Variants in ATP10A observed in about 807,000 individuals in gnomAD.
ATP10A encodes phospholipid-transporting ATPase VA.
A neutral mutation model predicts 147.8 loss-of-function variants in ATP10A; 111 were observed. The ratio of observed to expected loss-of-function variants is 0.75; its 90% CI spans 0.64 to 0.88. The LOEUF (loss-of-function observed/expected upper bound fraction) is 0.88, where lower values mean the gene tolerates loss of function less well. Among genes scored for constraint, ATP10A ranks in the 40% least tolerant of loss-of-function variants. The probability of loss-of-function intolerance (pLI) is 0.00; values close to 1 mark genes in which losing one functional copy is unlikely to be tolerated. For synonymous variants in ATP10A, 875 were observed against 841.6 expected, an observed-to-expected ratio of 1.04 and a Z score of -0.69; for missense variants, 1,927 against 1,959.0, an observed-to-expected ratio of 0.98 and a Z score of 0.31.
chr15:25,719,732 G>A (rs1026143648), intron 7 of ATP10A, among the ~76,000 whole-genome samples: 19 of 152,104 alleles, frequency 1.2e-4, no homozygotes, highest in African/African-American at 3.6e-4. Flanking sequence ...CAGGAAAGAT[G>A]AGGCCCAGGA....
chr15:25,857,458 A>T (rs1012619163), intron 1 of ATP10A, among the ~76,000 whole-genome samples: 1 of 151,712 alleles, frequency 6.6e-6, no homozygotes, highest in Non-Finnish European at 1.5e-5. Flanking sequence ...AAAAATAATA[A>T]TTTTTTTTAG....
At position 25,680,225 on chromosome 15, in the gene ATP10A, C is replaced by T. The variant is rs759098238; in HGVS notation, c.3762G>A (p.Thr1254=). 2.7e-5 allele frequency: 43 copies of T among 1,613,954 alleles called. No individual in the cohort carries two copies. Among genetic ancestry groups the T allele is most frequent in the Middle Eastern group, 1.6e-4 (1 of 6,084 alleles). ...AGTAAGGGTTGGACGGAGGATAGCACGTGGCACAAGACGCATTGTAAATCA... is the reference window on the plus strand; with the variant it reads ...AGTAAGGGTTGGACGGAGGATAGCATGTGGCACAAGACGCATTGTAAATCA... ...VALIYNASCA[T]CYPPSNPYWT... is the part of the protein sequence containing the mutation. Residue 1254 remains threonine (T), a synonymous_variant, in exon 20 of 21, where the codon ACG becomes ACA. Coordinates refer to ENST00000555815, the MANE Select transcript of ATP10A (RefSeq NM_024490.4).
At chr15:25,732,586 C>T (rs571128505) in intron 3 of ATP10A, among the ~76,000 whole-genome samples, 19 of 42,820 alleles carry the variant, frequency 4.4e-4, no homozygotes, top group Non-Finnish European at 7.1e-4. Flanking sequence ...GATGGAGTCT[C>T]GCTCTGTCAC....
rs377408292 is a variant in ATP10A, at chr15:25,718,128, T to C, written c.1581+54A>G. ...GACACCTTCCATGAGCGGGGGATGG[T>C]GAAAATGGGGAAGAGACGTGGCAGC... On this transcript the variant is annotated intron_variant, in intron 8 of 20. Transcript: ENST00000555815. 15 of 1,564,900 alleles carry C rather than the reference T, an allele frequency of 9.6e-6. No homozygotes were observed. The East Asian group carries it at 1.4e-4, about 14-fold the overall frequency.
chr15:25,826,213 T>C (rs2140857324), intron 1 of ATP10A, among the ~76,000 whole-genome samples: 1 of 152,214 alleles, frequency 6.6e-6, no homozygotes, highest in Admixed American at 6.5e-5. Context: ...GTATGAATAA[T>C]GGGAGTCCCA....
intron 1 of ATP10A, 194 bp downstream of exon 1, chr15:25,862,454 G>A: frequency 1.4e-6 from 1 of 703,980 alleles, no homozygotes; most frequent in South Asian, 1.8e-5. Flanking sequence ...CTTTAGCTGC[G>A]GCGGAGGCAC....
intron 1 of ATP10A, among the ~76,000 whole-genome samples, chr15:25,838,880 A>C (rs1892693262): frequency 6.6e-6 from 1 of 152,084 alleles, no homozygotes; most frequent in Non-Finnish European, 1.5e-5. Context: ...TCCTATTGAG[A>C]GCTTCCTTGT....
chr15:25,853,038 G>A (rs1279031591), intron 1 of ATP10A, among the ~76,000 whole-genome samples: 1 of 152,172 alleles, frequency 6.6e-6, no homozygotes, highest in Non-Finnish European at 1.5e-5. Flanking sequence ...AACTTAAAAT[G>A]AGGACAAAAA....
intron 1 of ATP10A, among the ~76,000 whole-genome samples, chr15:25,836,376 C>T (rs565910099): frequency 1.6e-4 from 24 of 152,224 alleles, no homozygotes; most frequent in African/African-American, 5.5e-4. Flanking sequence ...ACTTCCTTTC[C>T]GCGGGTTGTC....
chr15:25,781,067 T>G lies in ATP10A; in HGVS notation c.606A>C (p.Gly202=). Residue 202 remains glycine, a synonymous_variant, in exon 2 of 21, where the codon GGA becomes GGC. Coordinates refer to ENST00000555815, the MANE Select transcript of ATP10A (RefSeq NM_024490.4). The part of the protein sequence containing the change: ...LCHIETANLD[G]ETNLKRRQVV... ...CCTGCCGCCGCTTCAGGTTGGTCTCTCCATCCAGGTTGGCGGTCTCGATGT... is the reference window on the plus strand; with the variant it reads ...CCTGCCGCCGCTTCAGGTTGGTCTCGCCATCCAGGTTGGCGGTCTCGATGT... 1 of 1,614,144 alleles carries G rather than the reference T, an allele frequency of 6.2e-7. No homozygotes were observed. Among genetic ancestry groups the G allele is most frequent in the South Asian group, 1.1e-5 (1 of 91,074 alleles).
At chr15:25,799,832 G>T (rs1890852974) in intron 1 of ATP10A, among the ~76,000 whole-genome samples, 1 of 152,162 alleles carries the variant, frequency 6.6e-6, no homozygotes, top group Non-Finnish European at 1.5e-5. Flanking sequence ...AATTTATAAT[G>T]AAGTATTTAT....
intron 1 of ATP10A, among the ~76,000 whole-genome samples, chr15:25,852,410 A>C (rs1893335617): frequency 6.6e-6 from 1 of 152,090 alleles, no homozygotes; most frequent in Non-Finnish European, 1.5e-5. Context: ...CAAGGGTCTG[A>C]CCTCATTGAG....
chr15:25,717,090 T>C lies in ATP10A; in HGVS notation c.1582-166A>G, dbSNP rs375410565. On this transcript the variant is annotated intron_variant, in intron 8 of 20. Coordinates refer to ENST00000555815, the MANE Select transcript of ATP10A (RefSeq NM_024490.4). ...ATTGTAAATTACTTACAATTTTAATTGCACAAAATATACAGAGCTTCTATC... is the reference window on the plus strand; with the variant it reads ...ATTGTAAATTACTTACAATTTTAATCGCACAAAATATACAGAGCTTCTATC... Among the ~76,000 whole-genome samples, 29 of 152,344 alleles carry C rather than the reference T, an allele frequency of 1.9e-4. No individual in the cohort carries two copies. In the East Asian group the frequency reaches 2.3e-3, roughly 12 times the overall value.
intron 2 of ATP10A, among the ~76,000 whole-genome samples, chr15:25,748,010 G>A (rs1050673324): frequency 3.3e-5 from 5 of 151,994 alleles, no homozygotes; most frequent in African/African-American, 9.7e-5. Flanking sequence ...TGTCGCCGAG[G>A]CTGGAGTACA....
In ATP10A at chr15:25,718,453, GAAA is replaced by G. The variant is rs1901983159; in HGVS notation, c.1364-57_1364-55del. 2.0e-6 allele frequency: 3 copies of G among 1,509,616 alleles called. No homozygotes were observed. In the African/African-American group the frequency reaches 4.1e-5, roughly 21 times the overall value. 93.5% of individuals were successfully genotyped at this position (1,509,616 alleles called of 1,614,324 possible). On this transcript the variant is annotated intron_variant, in intron 7 of 20. Transcript: ENST00000555815. ...TCATGGGGGAAGGCTGGGCGGAGCA[GAAA>G]GAAACCATTCAGTGTGTTTTAGGTT...
intron 1 of ATP10A, among the ~76,000 whole-genome samples, chr15:25,829,660 G>A (rs1892268894): frequency 6.6e-6 from 1 of 152,148 alleles, no homozygotes; most frequent in Non-Finnish European, 1.5e-5. Flanking sequence ...CTCCCTGGGA[G>A]TGTGACACTG....
Position 25,679,914 on chromosome 15 carries a change from C to G in ATP10A, c.3927G>C (p.Gln1309His). 2 of 1,609,620 alleles carry G rather than the reference C, an allele frequency of 1.2e-6. No individual in the cohort carries two copies. Among genetic ancestry groups the G allele is most frequent in the East Asian group, 2.2e-5 (1 of 44,794 alleles). Residue 1309 changes from glutamine (Q) to histidine (H), a missense_variant, in exon 21 of 21, where the codon CAG becomes CAC. Transcript: ENST00000555815. ...VFPTQLQLAR[Q>H]LTRKSPRRCS... Reference sequence around the variant, plus strand: ...ATCTCCTGGGGGACTTCCTGGTCAACTGACGTGCCAGCTGAAGTTGTGTGG... The same window carrying G: ...ATCTCCTGGGGGACTTCCTGGTCAAGTGACGTGCCAGCTGAAGTTGTGTGG...
chr15:25,683,595 G>C, intron 16 of ATP10A, 109 bp from the exon 17 acceptor site: 1 of 1,092,146 alleles, frequency 9.2e-7, no homozygotes. Flanking sequence ...AAGATTAAAT[G>C]TATTGGCAGC....
In ATP10A at chr15:25,790,275, T is replaced by C. The variant is rs374355533; in HGVS notation, c.450-9052A>G. On this transcript the variant is annotated intron_variant, in intron 1 of 20. Coordinates refer to ENST00000555815, the MANE Select transcript of ATP10A (RefSeq NM_024490.4). ...ACCAAAATTGCCAAAAATACAGTAG[T>C]GTAGACTAGATGCACAAAATGTATT... is the stretch of plus-strand genomic sequence containing the variant. Among the ~76,000 whole-genome samples the C allele has an allele frequency of 6.6e-5, 10 of 152,328 alleles. No homozygotes were observed. The South Asian group carries it at 8.3e-4, about 13-fold the overall frequency.
Sources: allele counts gnomAD v4.1 joint callset (sites outside exome capture counted in the v4.1 genomes callset), GRCh38; gene constraint gnomAD v4.1.1; transcripts MANE v1.5; gene names NCBI Gene and HGNC (gene_info 2026-07-23, HGNC 2026-07-21).